GALNT13: variants seen among roughly 807,000 people sequenced by gnomAD.
GALNT13 encodes the protein polypeptide N-acetylgalactosaminyltransferase 13.
GALNT13 carries 28 observed loss-of-function variants against 64.2 expected under a neutral mutation model. The observed-to-expected ratio is 0.44, with a 90% CI of 0.32 to 0.60. GALNT13 has a LOEUF of 0.60. Ranked by LOEUF, GALNT13 falls within the 20% of genes least tolerant of loss-of-function variation. The pLI, the probability that GALNT13 is intolerant of heterozygous loss-of-function variation, is 0.05. For synonymous variants in GALNT13, 214 were observed against 224.6 expected (o/e 0.95, Z 0.42); for missense variants, 577 against 669.8 (o/e 0.86, Z 1.53).
chr2:154,294,045 C>A (rs1039952286), intron 8 of GALNT13, among the ~76,000 whole-genome samples: 2 of 152,114 alleles, frequency 1.3e-5, no homozygotes, highest in Non-Finnish European at 2.9e-5. Flanking sequence ...TGAGGAGAGG[C>A]TTTACCTAGG....
chr2:154,191,436 G>A (rs369804971), intron 4 of GALNT13, among the ~76,000 whole-genome samples: 12 of 152,204 alleles, frequency 7.9e-5, no homozygotes, highest in Non-Finnish European at 1.2e-4. Flanking sequence ...TGTCATTTTC[G>A]GATGAGATTT....
intron 3 of GALNT13, among the ~76,000 whole-genome samples, chr2:154,062,852 G>GT (rs35573109): frequency 0.74 from 110,997 of 149,486 alleles, 41,403 homozygotes; most frequent in East Asian, 0.94. Context: ...AACATGGAAT[G>GT]TTTTTTTTTT....
the GALNT13 span, among the ~76,000 whole-genome samples, chr2:153,659,228 A>G: frequency 6.6e-6 from 1 of 152,086 alleles, no homozygotes; most frequent in Non-Finnish European, 1.5e-5. Flanking sequence ...TTGGGGCCCA[A>G]TAGCAGTTGC....
chr2:153,844,473 C>A, the GALNT13 span, among the ~76,000 whole-genome samples: 1 of 152,196 alleles, frequency 6.6e-6, no homozygotes, highest in Non-Finnish European at 1.5e-5. Context: ...AATCATTCTT[C>A]CCTACCTAGG....
the GALNT13 span, chr2:153,593,262 G>C: frequency 6.6e-6 from 1 of 152,282 alleles, no homozygotes; most frequent in African/African-American, 2.4e-5. Context: ...CCAGCCCTTC[G>C]GTTTGCGGTT....
At chr2:153,736,882 C>T in the GALNT13 span, among the ~76,000 whole-genome samples, 1 of 152,174 alleles carries the variant, frequency 6.6e-6, no homozygotes, top group Admixed American at 6.5e-5. Context: ...TGGATGCCCT[C>T]CTCATGTGGC....
intron 1 of GALNT13, among the ~76,000 whole-genome samples, chr2:153,877,722 T>G (rs1383373402): frequency 6.6e-6 from 1 of 152,112 alleles, no homozygotes; most frequent in African/African-American, 2.4e-5. Flanking sequence ...AACCATTAGT[T>G]TAAAGAAAGA....
At chr2:153,498,011 G>A in the GALNT13 span, among the ~76,000 whole-genome samples, 5 of 152,276 alleles carry the variant, frequency 3.3e-5, no homozygotes, top group South Asian at 2.1e-4. Context: ...TAGTACAATG[G>A]CCAGATACAA....
At chr2:153,279,214 C>T in the GALNT13 span, among the ~76,000 whole-genome samples, 2 of 152,074 alleles carry the variant, frequency 1.3e-5, no homozygotes, top group Admixed American at 6.6e-5. Flanking sequence ...ATTTTGTATC[C>T]TCCATCTTTA....
chr2:153,925,673 T>G (rs1690081447), intron 2 of GALNT13, among the ~76,000 whole-genome samples: 1 of 152,172 alleles, frequency 6.6e-6, no homozygotes, highest in Non-Finnish European at 1.5e-5. Flanking sequence ...ACGATATTGA[T>G]TCTTCCTATC....
At chr2:153,648,819 C>T in the GALNT13 span, among the ~76,000 whole-genome samples, 1 of 152,148 alleles carries the variant, frequency 6.6e-6, no homozygotes, top group Non-Finnish European at 1.5e-5. Flanking sequence ...ATGAAGCCCA[C>T]TTGATCATGG....
At chr2:153,566,962 A>G in the GALNT13 span, among the ~76,000 whole-genome samples, 1 of 152,228 alleles carries the variant, frequency 6.6e-6, no homozygotes, top group African/African-American at 2.4e-5. Flanking sequence ...TAATTGCCCA[A>G]TGTCATATTA....
the GALNT13 span, among the ~76,000 whole-genome samples, chr2:153,736,315 G>A: frequency 1.1e-3 from 174 of 152,212 alleles, 1 homozygote; most frequent in African/African-American, 4.0e-3. Flanking sequence ...TTTGGCCAAT[G>A]GGAGCCCTTC....
At chr2:154,302,211 A>G (rs192089713) in intron 9 of GALNT13, among the ~76,000 whole-genome samples, 82 of 152,164 alleles carry the variant, frequency 5.4e-4, no homozygotes, top group Non-Finnish European at 9.0e-4. Context: ...AGAAAATCCT[A>G]TTACTGGGTG....
chr2:153,622,243 T>C, the GALNT13 span, among the ~76,000 whole-genome samples: 1 of 152,132 alleles, frequency 6.6e-6, no homozygotes, highest in African/African-American at 2.4e-5. Flanking sequence ...CGCAGTGAAC[T>C]TTATGCTGAT....
chr2:153,865,051 T>A, the GALNT13 span, among the ~76,000 whole-genome samples: 2 of 149,058 alleles, frequency 1.3e-5, no homozygotes, highest in Non-Finnish European at 3.0e-5. Context: ...GAAAAACAAG[T>A]AATGGGGAAA....
At chr2:153,989,535 A>C (rs1238707811) in intron 3 of GALNT13, among the ~76,000 whole-genome samples, 4 of 151,954 alleles carry the variant, frequency 2.6e-5, no homozygotes, top group Non-Finnish European at 5.9e-5. Context: ...TTCGTCTTTG[A>C]AGCTAACTTA....
intron 1 of GALNT13, among the ~76,000 whole-genome samples, chr2:153,891,292 T>G (rs1429827981): frequency 6.6e-6 from 1 of 152,062 alleles, no homozygotes; most frequent in African/African-American, 2.4e-5. Context: ...AGTCAAATTT[T>G]TATCTGGCTT....
chr2:153,719,691 A>T, the GALNT13 span, among the ~76,000 whole-genome samples: 1 of 152,210 alleles, frequency 6.6e-6, no homozygotes, highest in Non-Finnish European at 1.5e-5. Flanking sequence ...AGTCAAAGAA[A>T]GGGGTGACGG....
Sources: allele counts gnomAD v4.1 joint callset (sites outside exome capture counted in the v4.1 genomes callset), GRCh38; gene constraint gnomAD v4.1.1; transcripts MANE v1.5; gene names NCBI Gene and HGNC (gene_info 2026-07-23, HGNC 2026-07-21).